KLHL2: variants seen among roughly 807,000 people sequenced by gnomAD.
KLHL2 encodes the protein kelch-like protein 2.
Under a neutral mutation model 75.8 loss-of-function variants are expected in KLHL2, and 15 were observed. That is an observed-to-expected ratio of 0.20 (90% CI 0.13 to 0.30). The LOEUF (loss-of-function observed/expected upper bound fraction) is 0.30. KLHL2 is among the 10% of genes least tolerant of loss of function. KLHL2 has a pLI of 1.00. For missense variants in KLHL2, 381 were observed against 741.0 expected, an observed-to-expected ratio of 0.51 and a Z score of 5.64; for synonymous variants, 214 against 251.9, an observed-to-expected ratio of 0.85 and a Z score of 1.42.
intron 9 of KLHL2, among the ~76,000 whole-genome samples, chr4:165,309,837 G>A (rs1351733814): frequency 6.6e-6 from 1 of 152,068 alleles, no homozygotes. Flanking sequence ...GATAAACTAG[G>A]AATACGTTAT....
intron 4 of KLHL2, among the ~76,000 whole-genome samples, chr4:165,256,361 G>A (rs1741169980): frequency 1.3e-5 from 2 of 152,134 alleles, no homozygotes; most frequent in Non-Finnish European, 2.9e-5. Flanking sequence ...TTTTAAGTTA[G>A]ATTTATTTAA....
chr4:165,279,738 G>C (rs1278233195), intron 5 of KLHL2: 1 of 974,158 alleles, frequency 1.0e-6, no homozygotes, highest in East Asian at 2.4e-5. Flanking sequence ...CAAAGAGCGA[G>C]GCCGCGCGAG....
intron 5 of KLHL2, among the ~76,000 whole-genome samples, chr4:165,282,451 G>A (rs951414880): frequency 1.1e-4 from 16 of 152,186 alleles, no homozygotes; most frequent in Admixed American, 2.0e-4. Flanking sequence ...TTATGTATTC[G>A]TGTCCAGAAA....
chr4:165,289,820 G>A (rs1346615639), intron 5 of KLHL2, among the ~76,000 whole-genome samples: 1 of 152,210 alleles, frequency 6.6e-6, no homozygotes, highest in East Asian at 1.9e-4. Context: ...TCACAGTATG[G>A]AAAAGTTCTC....
intron 5 of KLHL2, among the ~76,000 whole-genome samples, chr4:165,273,199 A>G (rs777055588): frequency 1.8e-4 from 28 of 152,254 alleles, no homozygotes; most frequent in Admixed American, 3.9e-4. Context: ...ATTTTACTGA[A>G]GTCTAATGTA....
At chr4:165,223,169 C>G (rs866841385) in intron 2 of KLHL2, among the ~76,000 whole-genome samples, 1 of 152,200 alleles carries the variant, frequency 6.6e-6, no homozygotes. Flanking sequence ...TTTAAAAACC[C>G]TGCAGTCATA....
chr4:165,294,514 T>C lies in KLHL2; in HGVS notation c.654+46T>C. ...CCAGTGTGCAATGATGTTTCCCTTT[T>C]TTTTTTTTTAATTTCACTTTTTTTT... is the stretch of plus-strand genomic sequence containing the variant. On this transcript the variant is annotated intron_variant, in intron 6 of 14. Transcript: ENST00000226725. 4 of 1,053,364 alleles carry C rather than the reference T, an allele frequency of 3.8e-6. 1 individual carries two copies. In the South Asian group the frequency reaches 4.4e-5, roughly 11 times the overall value. 65.3% of individuals were successfully genotyped at this position (1,053,364 alleles called of 1,614,324 possible). A position where few individuals can be genotyped will look rare whatever the true frequency, so the allele number is the denominator to read the frequency against.
chr4:165,223,855 G>T (rs956108607), intron 2 of KLHL2: 1 of 344,728 alleles, frequency 2.9e-6, no homozygotes, highest in African/African-American at 2.3e-5. Context: ...CTTATAATGT[G>T]CAACACACTG....
Position 165,228,844 on chromosome 4 carries a change from G to C in KLHL2, c.190G>C (p.Asp64His). ...LLCDVTIVAEDMEISAHRVVL... is the reference protein window; with the variant it reads ...LLCDVTIVAEHMEISAHRVVL... ...GTGCGATGTCACAATTGTGGCAGAA[G>C]ACATGGAAATTTCTGCTCATAGAGT... The change falls in exon 3 of 15, where the codon GAC becomes CAC. Residue 64 changes from aspartate to histidine, a missense_variant. Asp to His is a moderately conservative substitution (Grantham distance 81). This residue lies in a region of KLHL2 where 48 missense variants were observed against 88.9 expected (regional missense o/e 0.54). Coordinates refer to ENST00000226725, the MANE Select transcript of KLHL2 (RefSeq NM_007246.4). The C allele has an allele frequency of 6.2e-7, 1 of 1,613,402 alleles. No homozygotes were observed. The highest frequency in any genetic ancestry group is 8.5e-7 in the Non-Finnish European group (1 of 1,179,468).
intron 5 of KLHL2, among the ~76,000 whole-genome samples, chr4:165,283,848 T>C (rs1743879559): frequency 6.6e-6 from 1 of 152,236 alleles, no homozygotes; most frequent in Admixed American, 6.5e-5. Context: ...GGCATTTTCA[T>C]ACATCTGAAA....
At chr4:165,284,837 G>C (rs907976079) in intron 5 of KLHL2, among the ~76,000 whole-genome samples, 1 of 152,204 alleles carries the variant, frequency 6.6e-6, no homozygotes, top group African/African-American at 2.4e-5. Flanking sequence ...GGCTGGGGAG[G>C]CCTCACAATC....
chr4:165,272,888 A>G (rs1742807627), intron 5 of KLHL2, among the ~76,000 whole-genome samples: 1 of 152,210 alleles, frequency 6.6e-6, no homozygotes, highest in East Asian at 1.9e-4. Context: ...ATGAAAAATT[A>G]TTCACTTTCA....
At chr4:165,281,525 C>T (rs557057068) in intron 5 of KLHL2, among the ~76,000 whole-genome samples, 9 of 152,228 alleles carry the variant, frequency 5.9e-5, no homozygotes, top group Admixed American at 1.3e-4. Context: ...CTGTGTTAGC[C>T]AGGATGGTCT....
At chr4:165,242,237 C>T (rs1481242223) in intron 4 of KLHL2, among the ~76,000 whole-genome samples, 2 of 152,018 alleles carry the variant, frequency 1.3e-5, no homozygotes, top group Non-Finnish European at 2.9e-5. Flanking sequence ...TCAAAGCAAA[C>T]TTTATGAACT....
At chr4:165,223,691 TG>T (rs560497508) in intron 2 of KLHL2, among the ~76,000 whole-genome samples, 143 of 152,286 alleles carry the variant, frequency 9.4e-4, no homozygotes, top group African/African-American at 3.3e-3. Context: ...CTAAGATTAA[TG>T]ATGTTGGAGT....
chr4:165,279,688 G>C (rs762844189), intron 5 of KLHL2: 1 of 1,537,740 alleles, frequency 6.5e-7, no homozygotes, highest in South Asian at 1.1e-5. Context: ...CCGGTTTCCT[G>C]GGTGACGGCG....
intron 2 of KLHL2, 84 bp downstream of exon 2, chr4:165,220,143 C>T (rs1019327430): frequency 2.0e-6 from 3 of 1,522,606 alleles, no homozygotes; most frequent in African/African-American, 1.4e-5. Flanking sequence ...AATCAACCTT[C>T]CATTGTTGCT....
At chr4:165,217,111 A>G (rs1737600266) in intron 1 of KLHL2, among the ~76,000 whole-genome samples, 1 of 152,190 alleles carries the variant, frequency 6.6e-6, no homozygotes, top group Admixed American at 6.5e-5. Context: ...TCAAGCATTG[A>G]AAATTCTTTT....
intron 4 of KLHL2, among the ~76,000 whole-genome samples, chr4:165,262,128 G>C (rs1741731490): frequency 6.6e-6 from 1 of 151,840 alleles, no homozygotes; most frequent in Non-Finnish European, 1.5e-5. Flanking sequence ...TTCTATTATT[G>C]ACTTATTTGA....
Sources: allele counts gnomAD v4.1 joint callset (sites outside exome capture counted in the v4.1 genomes callset), GRCh38; gene constraint gnomAD v4.1.1; regional missense constraint gnomAD v4.1.1; transcripts MANE v1.5; gene names NCBI Gene and HGNC (gene_info 2026-07-23, HGNC 2026-07-21).